Variants in SPATA13 observed in about 807,000 individuals in gnomAD.
SPATA13 encodes the protein spermatogenesis associated 13, also known as spermatogenesis-associated protein 13.
SPATA13 carries 50 observed loss-of-function variants against 104.0 expected under a neutral mutation model. The observed-to-expected ratio is 0.48, with a 90% CI of 0.38 to 0.61. The LOEUF (loss-of-function observed/expected upper bound fraction) is 0.61. Ranked by LOEUF, SPATA13 falls within the 20% of genes least tolerant of loss-of-function variation. SPATA13 has a pLI of 0.00. For missense variants in SPATA13, 1,524 were observed against 1,690.6 expected, an observed-to-expected ratio of 0.90 and a Z score of 1.73; for synonymous variants, 606 against 667.5, an observed-to-expected ratio of 0.91 and a Z score of 1.42.
intron 3 of SPATA13, among the ~76,000 whole-genome samples, chr13:24,250,108 C>T (rs1847585538): frequency 1.3e-5 from 2 of 152,094 alleles, no homozygotes; most frequent in Non-Finnish European, 2.9e-5. Context: ...TCTGAATAAC[C>T]TGAGATTCTA....
intron 1 of SPATA13, among the ~76,000 whole-genome samples, chr13:24,164,911 C>T (rs975023631): frequency 6.6e-5 from 10 of 152,208 alleles, no homozygotes; most frequent in Admixed American, 2.0e-4. Context: ...CCAGCCGTCG[C>T]GCTAACTTCG....
intron 1 of SPATA13, among the ~76,000 whole-genome samples, chr13:24,201,696 C>A (rs9507279): frequency 0.27 from 40,453 of 152,104 alleles, 6,204 homozygotes; most frequent in Non-Finnish European, 0.35. Context: ...ACCTTGGCCT[C>A]CCAAAATGCT....
chr13:24,061,888 TAA>T (rs111470696), intron 3 of SPATA13, among the ~76,000 whole-genome samples: 43 of 141,916 alleles, frequency 3.0e-4, no homozygotes, highest in African/African-American at 1.1e-3. Context: ...AATTAAAAAT[TAA>T]AAAAAAAAAA....
chr13:24,202,856 C>T (rs760111914), intron 1 of SPATA13, among the ~76,000 whole-genome samples: 4 of 152,112 alleles, frequency 2.6e-5, no homozygotes, highest in Admixed American at 6.5e-5. Context: ...TGGCATCATA[C>T]GGAAGCATTC....
At chr13:24,241,497 C>T (rs1041981191) in intron 2 of SPATA13, among the ~76,000 whole-genome samples, 2 of 152,254 alleles carry the variant, frequency 1.3e-5, no homozygotes, top group African/African-American at 4.8e-5. Context: ...GGCCATCCCT[C>T]CTGTCCTCCA....
intron 1 of SPATA13, among the ~76,000 whole-genome samples, chr13:24,214,081 T>C (rs1212300233): frequency 6.6e-6 from 1 of 152,242 alleles, no homozygotes; most frequent in Non-Finnish European, 1.5e-5. Flanking sequence ...TCTTTGCCAA[T>C]CTCTGACTGA....
At chr13:24,074,224 G>A (rs1347074134) in intron 3 of SPATA13, among the ~76,000 whole-genome samples, 1 of 152,120 alleles carries the variant, frequency 6.6e-6, no homozygotes, top group Non-Finnish European at 1.5e-5. Context: ...CTGTCTCTAT[G>A]AATTTGCCTA....
chr13:24,131,826 G>C (rs1881396422), intron 3 of SPATA13, among the ~76,000 whole-genome samples: 1 of 152,186 alleles, frequency 6.6e-6, no homozygotes. Flanking sequence ...TGAGAAGGCA[G>C]GGTGTTAAAT....
rs67518708 is a variant in SPATA13 at position 24,052,491 on chromosome 13, G to GTT, written c.-112+34800_-112+34801dup. ...TAACTATTGATAAAAAGAAATATAT[G>GTT]TTTTTTTTTTTCTTTTAAACCCATG... On this transcript the variant is annotated intron_variant, in intron 3 of 14. Transcript: ENST00000424834. Among the ~76,000 whole-genome samples, 185 of 149,394 alleles carry GTT rather than the reference G, an allele frequency of 1.2e-3. 1 individual carries two copies. The highest frequency in any genetic ancestry group is 1.9e-3 in the South Asian group (9 of 4,724).
intron 3 of SPATA13, among the ~76,000 whole-genome samples, chr13:24,046,079 G>A (rs949667079): frequency 2.0e-5 from 3 of 152,262 alleles, no homozygotes; most frequent in East Asian, 3.9e-4. Flanking sequence ...AGAACCATGC[G>A]TTAGATTTTT....
At chr13:24,136,007 C>T (rs1219913738) in intron 3 of SPATA13, among the ~76,000 whole-genome samples, 1 of 152,138 alleles carries the variant, frequency 6.6e-6, no homozygotes, top group African/African-American at 2.4e-5. Flanking sequence ...CTTTCCTGAG[C>T]AGAATTAAGC....
At chr13:24,227,750 T>C (rs1872026299) in intron 2 of SPATA13, among the ~76,000 whole-genome samples, 1 of 152,058 alleles carries the variant, frequency 6.6e-6, no homozygotes, top group Non-Finnish European at 1.5e-5. Context: ...TTTGTATTTT[T>C]AGTAGAGACA....
chr13:24,031,741 C>A (rs1877491353), intron 3 of SPATA13, among the ~76,000 whole-genome samples: 1 of 152,190 alleles, frequency 6.6e-6, no homozygotes, highest in African/African-American at 2.4e-5. Context: ...CTTAAACAAT[C>A]CTCAGTCAAC....
chr13:24,004,609 C>A (rs1252579332), intron 2 of SPATA13, among the ~76,000 whole-genome samples: 1 of 152,120 alleles, frequency 6.6e-6, no homozygotes, highest in Non-Finnish European at 1.5e-5. Context: ...TGGCTGTGGG[C>A]AACAGACCCT....
intron 3 of SPATA13, among the ~76,000 whole-genome samples, chr13:24,137,818 T>C (rs1881622907): frequency 1.3e-5 from 2 of 152,184 alleles, no homozygotes; most frequent in Admixed American, 6.5e-5. Context: ...CTGTGCTCTT[T>C]GACTATTTTA....
At chr13:24,082,198 A>G (rs956612474) in intron 3 of SPATA13, among the ~76,000 whole-genome samples, 21 of 152,214 alleles carry the variant, frequency 1.4e-4, no homozygotes, top group African/African-American at 4.8e-4. Context: ...GGATAGCAAT[A>G]TCTCTTCAAC....
intron 2 of SPATA13, among the ~76,000 whole-genome samples, chr13:24,234,611 T>C (rs1435847939): frequency 1.3e-5 from 2 of 152,226 alleles, no homozygotes; most frequent in Admixed American, 1.3e-4. Context: ...GAAGTCACTA[T>C]ATAAATAACA....
chr13:24,118,911 C>CT (rs67348620), intron 3 of SPATA13, among the ~76,000 whole-genome samples: 172 of 146,464 alleles, frequency 1.2e-3, no homozygotes, highest in African/African-American at 2.7e-3. Context: ...CTTTTCTTTT[C>CT]TTTTTTTTTT....
intron 3 of SPATA13, among the ~76,000 whole-genome samples, chr13:24,111,643 C>T (rs1157427198): frequency 4.6e-5 from 7 of 152,178 alleles, no homozygotes; most frequent in African/African-American, 1.2e-4. Context: ...AGGGCTCAAG[C>T]GACCCGCCTG....
Sources: gnomAD v4.1 joint callset for allele counts (sites outside exome capture counted in the v4.1 genomes callset) on GRCh38, gnomAD v4.1.1 for gene constraint, MANE v1.5 for transcripts, NCBI Gene and HGNC (gene_info 2026-07-23, HGNC 2026-07-21) for gene names.